TJAP1: variants seen among roughly 807,000 people sequenced by gnomAD.
The protein encoded by TJAP1 is tight junction-associated protein 1.
A neutral mutation model predicts 42.0 loss-of-function variants in TJAP1; 27 were observed. That is an observed-to-expected ratio of 0.64 (90% CI 0.47 to 0.89). The LOEUF (loss-of-function observed/expected upper bound fraction) is 0.89, where lower values mean the gene tolerates loss of function less well. TJAP1 is among the 40% of genes least tolerant of loss of function. TJAP1 has a pLI of 0.00. For missense variants in TJAP1, 712 were observed against 726.9 expected, an observed-to-expected ratio of 0.98 and a Z score of 0.24; for synonymous variants, 257 against 288.4, an observed-to-expected ratio of 0.89 and a Z score of 1.10.
At chr6:43,490,528 G>C (rs1787576936) in intron 2 of TJAP1, among the ~76,000 whole-genome samples, 1 of 152,198 alleles carries the variant, frequency 6.6e-6, no homozygotes, top group South Asian at 2.1e-4. Context: ...CTCACCCTAG[G>C]ATAAGAAGTT....
exon 1 of TJAP1, chr6:43,477,594 G>A (rs1434305801): frequency 6.6e-6 from 1 of 152,354 alleles, no homozygotes; most frequent in Non-Finnish European, 1.5e-5. Context: ...CCCGCGGCAA[G>A]ATGGCGGCCT....
In TJAP1 at chr6:43,505,978, T is replaced by G. The variant is rs554150390; in HGVS notation, c.*123T>G. The stretch of plus-strand genomic sequence containing the variant: ...CTCTATCCAGACCCGCACAGCTGTT[T>G]CCTGTGTGGATGGGGTCAGGTTGTG... On this transcript the variant is annotated 3_prime_UTR_variant, in exon 11 of 11. Coordinates refer to ENST00000372449, the Ensembl canonical transcript of TJAP1. This position sits in a 1 kb window ranked among gnomAD's most constrained non-coding sequence, Gnocchi z 5.5. 7 of 1,087,708 alleles carry G rather than the reference T, an allele frequency of 6.4e-6. No homozygotes were observed. Among genetic ancestry groups the G allele is most frequent in the East Asian group, 2.8e-5 (1 of 35,396 alleles). 67.4% of individuals were successfully genotyped at this position (1,087,708 alleles called of 1,614,324 possible).
intron 2 of TJAP1, among the ~76,000 whole-genome samples, chr6:43,478,441 C>T (rs1784656132): frequency 6.6e-6 from 1 of 152,216 alleles, no homozygotes; most frequent in South Asian, 2.1e-4. Context: ...TGTGTGCCTT[C>T]ACCTATGCAA....
intron 2 of TJAP1, among the ~76,000 whole-genome samples, chr6:43,486,910 C>T (rs1461720674): frequency 6.6e-6 from 1 of 152,202 alleles, no homozygotes; most frequent in Non-Finnish European, 1.5e-5. Context: ...TCCCTGGGTT[C>T]TCTCCCTTGT....
chr6:43,482,712 G>C (rs889967084), intron 2 of TJAP1, among the ~76,000 whole-genome samples: 1 of 152,202 alleles, frequency 6.6e-6, no homozygotes, highest in South Asian at 2.1e-4. Flanking sequence ...GGACAGTGCT[G>C]GGCCTTAATA....
intron 8 of TJAP1, 164 bp downstream of exon 8, chr6:43,502,781 A>G (rs1791259781): frequency 3.8e-6 from 3 of 798,826 alleles, no homozygotes; most frequent in Non-Finnish European, 6.3e-6. Context: ...CTCCCAGGAG[A>G]GAGGTGGGGA....
intron 8 of TJAP1, 110 bp downstream of exon 8, chr6:43,502,727 C>A: frequency 8.2e-7 from 1 of 1,223,572 alleles, no homozygotes; most frequent in African/African-American, 1.5e-5. Context: ...ACACCCGCTC[C>A]TTTCTCTTCC....
chr6:43,504,978 T>C (rs1476998644), exon 11 of TJAP1: 6 of 1,614,052 alleles, frequency 3.7e-6, no homozygotes, highest in Non-Finnish European at 5.1e-6. Context: ...CATGTGGACA[T>C]GAGTGAGGGT....
chr6:43,502,319 C>T (rs373032097), exon 7 of TJAP1: 14 of 1,613,706 alleles, frequency 8.7e-6, no homozygotes, highest in Non-Finnish European at 1.2e-5. Context: ...AGCGGACCAA[C>T]CAGGAGTTGG....
At chr6:43,482,767 G>C (rs1035469430) in intron 2 of TJAP1, among the ~76,000 whole-genome samples, 1 of 152,166 alleles carries the variant, frequency 6.6e-6, no homozygotes, top group Non-Finnish European at 1.5e-5. Context: ...ATAAAATGTG[G>C]TCAGCAGTCT....
intron 2 of TJAP1, among the ~76,000 whole-genome samples, chr6:43,496,836 T>C (rs1219832174): frequency 2.0e-5 from 3 of 152,238 alleles, no homozygotes; most frequent in Non-Finnish European, 4.4e-5. Context: ...TGGTGGCTGC[T>C]GCCCCCGTGC....
intron 2 of TJAP1, among the ~76,000 whole-genome samples, chr6:43,486,354 C>CTTTT (rs1160469279): frequency 9.0e-6 from 1 of 110,768 alleles, no homozygotes; most frequent in African/African-American, 3.6e-5. Context: ...TTTCCAGTAG[C>CTTTT]TTTTTTTTTT....
At chr6:43,503,939 CAGAG>C (rs1166906549) in intron 10 of TJAP1, 11 of 697,194 alleles carry the variant, frequency 1.6e-5, no homozygotes, top group Non-Finnish European at 2.1e-5. Context: ...GTAACAGAGA[CAGAG>C]AGAGAAGATC....
chr6:43,503,179 G>C (rs1177657201), intron 8 of TJAP1: 1 of 576,856 alleles, frequency 1.7e-6, no homozygotes, highest in African/African-American at 1.9e-5. Flanking sequence ...CCTGGGCCCA[G>C]GTGGCAGGAA....
chr6:43,494,075 G>A (rs1788450240), intron 2 of TJAP1, among the ~76,000 whole-genome samples: 1 of 152,178 alleles, frequency 6.6e-6, no homozygotes, highest in African/African-American at 2.4e-5. Context: ...AATGAAAGTA[G>A]ACTTTGTTCT....
At chr6:43,502,396 T>C (rs1257501451) in intron 7 of TJAP1, 47 bp downstream of exon 7, 1 of 1,599,414 alleles carries the variant, frequency 6.3e-7, no homozygotes, top group Non-Finnish European at 8.5e-7. Flanking sequence ...GCTCATAGCA[T>C]AGCAGGGGGC....
intron 2 of TJAP1, among the ~76,000 whole-genome samples, chr6:43,493,616 T>TTGA (rs1321585680): frequency 2.6e-5 from 4 of 152,162 alleles, no homozygotes; most frequent in African/African-American, 9.7e-5. Context: ...CCTCCTTTCC[T>TTGA]CTTCTGCATC....
intron 5 of TJAP1, 87 bp downstream of exon 5, chr6:43,500,859 C>T: frequency 6.6e-7 from 1 of 1,506,352 alleles, no homozygotes. Context: ...TTGGACTTTC[C>T]CTTGGATTAG....
At chr6:43,503,463 G>C in exon 9 of TJAP1, 1 of 1,614,190 alleles carries the variant, frequency 6.2e-7, no homozygotes, top group East Asian at 2.2e-5. Flanking sequence ...TGACCAACAA[G>C]CTGCTGGATG....
Sources: gnomAD v4.1 joint callset for allele counts (sites outside exome capture counted in the v4.1 genomes callset) on GRCh38, gnomAD v4.1.1 for gene constraint, Gnocchi (gnomAD v3.1) non-coding constraint, MANE v1.5 for transcripts, NCBI Gene and HGNC (gene_info 2026-07-23, HGNC 2026-07-21) for gene names.